Variants in SRD5A2 observed in about 807,000 individuals in gnomAD.
SRD5A2 encodes 3-oxo-5-alpha-steroid 4-dehydrogenase 2.
SRD5A2 carries 30 observed loss-of-function variants against 27.4 expected under a neutral mutation model. The observed-to-expected ratio is 1.10, with a 90% CI of 0.82 to 1.49. The LOEUF is 1.49. SRD5A2 is among the 40% of genes most tolerant of loss of function. The pLI, the probability that SRD5A2 is intolerant of heterozygous loss-of-function variation, is 0.00. For synonymous variants in SRD5A2, 141 were observed against 133.6 expected (o/e 1.06, Z -0.38); for missense variants, 348 against 323.4 (o/e 1.08, Z -0.58).
At chr2:31,603,036 T>C in the SRD5A2 span, among the ~76,000 whole-genome samples, 1 of 151,812 alleles carries the variant, frequency 6.6e-6, no homozygotes, top group Non-Finnish European at 1.5e-5. Flanking sequence ...ATGTCAAAAC[T>C]AATTGCAACA....
At chr2:31,580,546 C>T (rs1276704338) in intron 1 of SRD5A2, 74 bp downstream of exon 1, 14 of 1,417,166 alleles carry the variant, frequency 9.9e-6, no homozygotes, top group African/African-American at 1.5e-5. Flanking sequence ...TCGGTGCGCG[C>T]TCCACGCTGC....
At position 31,525,898 on chromosome 2, in the gene SRD5A2, C is replaced by T. The variant is rs533041045; in HGVS notation, c.*298G>A. 3 of 320,290 alleles carry T rather than the reference C, an allele frequency of 9.4e-6. No homozygotes were observed. Among genetic ancestry groups the T allele is most frequent in the South Asian group, 8.6e-5 (1 of 11,660 alleles). 19.8% of individuals were successfully genotyped at this position (320,290 alleles called of 1,614,324 possible). A position where few individuals can be genotyped will look rare whatever the true frequency, so the allele number is the denominator to read the frequency against. ...TGAAGCCACATGTACTTGGATTGCC[C>T]GGTGAAAGACATAGGAGAAGTTTGT... On this transcript the variant is annotated 3_prime_UTR_variant, in exon 5 of 5. Coordinates refer to ENST00000622030, the MANE Select transcript of SRD5A2 (RefSeq NM_000348.4).
At chr2:31,531,584 A>G (rs1665909823) in intron 2 of SRD5A2, 112 bp from the exon 3 acceptor site, 1 of 725,070 alleles carries the variant, frequency 1.4e-6, no homozygotes, top group South Asian at 1.7e-5. Flanking sequence ...TCTAAATCTA[A>G]GAATGGTCCT....
intron 1 of SRD5A2, chr2:31,563,471 C>T (rs1666666954): frequency 6.6e-6 from 1 of 152,000 alleles, no homozygotes; most frequent in Non-Finnish European, 1.5e-5. Flanking sequence ...AAAAAAATGA[C>T]TCACACCACC....
chr2:31,594,210 G>A, the SRD5A2 span, among the ~76,000 whole-genome samples: 4 of 152,204 alleles, frequency 2.6e-5, no homozygotes, highest in Admixed American at 6.5e-5. Flanking sequence ...CAAAACTAAC[G>A]TTGAAGGCAA....
intron 1 of SRD5A2, among the ~76,000 whole-genome samples, chr2:31,561,137 C>T (rs1406139115): frequency 6.6e-6 from 1 of 152,020 alleles, no homozygotes; most frequent in Non-Finnish European, 1.5e-5. Context: ...AGCACCTTTC[C>T]AAGAGCTCAA....
At chr2:31,585,751 T>C (rs1159776379), upstream of SRD5A2, among the ~76,000 whole-genome samples, 5 of 152,132 alleles carry the variant, frequency 3.3e-5, no homozygotes, top group East Asian at 7.7e-4. Flanking sequence ...AAGCAAGCTC[T>C]TGGGGGCCCT....
the SRD5A2 span, among the ~76,000 whole-genome samples, chr2:31,657,168 T>C: frequency 6.6e-6 from 1 of 152,212 alleles, no homozygotes. Context: ...TTTTAGTTAA[T>C]AACAACCTGT....
the SRD5A2 span, among the ~76,000 whole-genome samples, chr2:31,625,792 T>C: frequency 2.0e-5 from 3 of 152,172 alleles, no homozygotes; most frequent in Admixed American, 6.6e-5. Context: ...AGTCAGGTAG[T>C]GTGATGCCTC....
the SRD5A2 span, among the ~76,000 whole-genome samples, chr2:31,624,565 T>C: frequency 1.3e-5 from 2 of 151,976 alleles, no homozygotes; most frequent in Non-Finnish European, 2.9e-5. Flanking sequence ...TGTCTAAGTG[T>C]TCTCATTGTT....
the SRD5A2 span, among the ~76,000 whole-genome samples, chr2:31,655,184 C>A: frequency 1.3e-5 from 2 of 152,136 alleles, no homozygotes; most frequent in Admixed American, 6.5e-5. Context: ...TCACTGCAAC[C>A]TCTGCCTCCT....
At chr2:31,582,343 C>T (rs1473762326), upstream of SRD5A2, among the ~76,000 whole-genome samples, 1 of 152,192 alleles carries the variant, frequency 6.6e-6, no homozygotes, top group Non-Finnish European at 1.5e-5. Flanking sequence ...TGATTCTTGG[C>T]ACACATGGTA....
At chr2:31,531,569 T>A in intron 2 of SRD5A2, 97 bp from the exon 3 acceptor site, 1 of 793,928 alleles carries the variant, frequency 1.3e-6, no homozygotes, top group Non-Finnish European at 2.0e-6. Context: ...GAGGGGCATT[T>A]AATTTCTAAA....
the SRD5A2 span, among the ~76,000 whole-genome samples, chr2:31,603,768 T>G: frequency 6.6e-6 from 1 of 151,926 alleles, no homozygotes; most frequent in Admixed American, 6.6e-5. Context: ...CTGGAAACCA[T>G]TATCCTCAGC....
At chr2:31,650,358 G>A in the SRD5A2 span, among the ~76,000 whole-genome samples, 1 of 152,132 alleles carries the variant, frequency 6.6e-6, no homozygotes, top group South Asian at 2.1e-4. Context: ...TAAACTGCAG[G>A]GATCCTGGGA....
intron 1 of SRD5A2, among the ~76,000 whole-genome samples, chr2:31,551,626 G>A (rs185084133): frequency 1.7e-3 from 264 of 152,238 alleles, no homozygotes; most frequent in African/African-American, 6.0e-3. Context: ...TGGACACTGC[G>A]TATGGTTTCT....
At chr2:31,531,534 T>C in intron 2 of SRD5A2, 62 bp from the exon 3 acceptor site, 7 of 945,630 alleles carry the variant, frequency 7.4e-6, no homozygotes, top group South Asian at 1.5e-5. Flanking sequence ...TGGTGCTTTT[T>C]TCACAAACTA....
the SRD5A2 span, among the ~76,000 whole-genome samples, chr2:31,624,756 A>G: frequency 6.6e-6 from 1 of 152,114 alleles, no homozygotes; most frequent in Non-Finnish European, 1.5e-5. Context: ...CCAGTCTATC[A>G]TTGATGGACT....
chr2:31,570,943 C>A (rs1463917112), intron 1 of SRD5A2, among the ~76,000 whole-genome samples: 6 of 152,192 alleles, frequency 3.9e-5, no homozygotes. Flanking sequence ...AATGGCCATA[C>A]TGCCAAAGCG....
Sources: gnomAD v4.1 joint callset for allele counts (sites outside exome capture counted in the v4.1 genomes callset) on GRCh38, gnomAD v4.1.1 for gene constraint, MANE v1.5 for transcripts, NCBI Gene and HGNC (gene_info 2026-07-23, HGNC 2026-07-21) for gene names.